Variants in KIAA0753 observed in about 807,000 individuals in gnomAD.
The protein encoded by KIAA0753 is KIAA0753, also known as protein moonraker.
In KIAA0753, 114 loss-of-function variants were observed where a neutral mutation model predicts 116.9. The observed-to-expected ratio is 0.98, with a 90% CI of 0.84 to 1.14. The LOEUF (loss-of-function observed/expected upper bound fraction) is 1.14, where lower values mean the gene tolerates loss of function less well. Among genes scored for constraint, KIAA0753 ranks in the 50% most tolerant of loss-of-function variants. The pLI, the probability that KIAA0753 is intolerant of heterozygous loss-of-function variation, is 0.00. For missense variants in KIAA0753, 1,156 were observed against 1,172.4 expected (o/e 0.99, Z 0.20); for synonymous variants, 405 against 413.1 (o/e 0.98, Z 0.24).
intron 1 of KIAA0753, 73 bp from the exon 2 acceptor site, chr17:6,635,244 T>C (rs1972251290): frequency 4.9e-6 from 3 of 614,086 alleles, no homozygotes; most frequent in Non-Finnish European, 8.9e-6. Context: ...CACAGTGCCA[T>C]GTGCATGTAG....
At chr17:6,596,365 G>A (rs1415569396) in intron 14 of KIAA0753, 22 bp from the exon 15 acceptor site, 4 of 1,592,054 alleles carry the variant, frequency 2.5e-6, no homozygotes, top group South Asian at 1.1e-5. Flanking sequence ...GGTGGGGTGG[G>A]GAGGAGAGGC....
Position 6,579,663 on chromosome 17 carries a change from G to C in KIAA0753, c.*84C>G. 2 of 926,668 alleles carry C rather than the reference G, an allele frequency of 2.2e-6. No individual in the cohort carries two copies. Among genetic ancestry groups the C allele is most frequent in the Non-Finnish European group, 3.5e-6 (2 of 569,838 alleles). The allele number at this position is 926,668 out of a possible 1,614,324, so 57.4% of individuals were successfully genotyped here. ...TTCTGGGCCTGGATGGACAGCTGAG[G>C]ATGAAAATTTCCTGTGGGCCAAAAC... On this transcript the variant is annotated 3_prime_UTR_variant, in exon 19 of 19. Coordinates refer to ENST00000361413, the MANE Select transcript of KIAA0753 (RefSeq NM_014804.3).
intron 12 of KIAA0753, among the ~76,000 whole-genome samples, chr17:6,602,139 C>G (rs746141661): frequency 6.6e-6 from 1 of 152,120 alleles, no homozygotes; most frequent in Non-Finnish European, 1.5e-5. Context: ...GATGTGAAAC[C>G]AATAGAAACG....
intron 18 of KIAA0753, 75 bp downstream of exon 18, chr17:6,589,704 G>T: frequency 8.7e-7 from 1 of 1,145,832 alleles, no homozygotes; most frequent in Non-Finnish European, 1.3e-6. Context: ...CTTGGCTAAT[G>T]CTTTCTCCAG....
intron 15 of KIAA0753, 135 bp from the exon 16 acceptor site, chr17:6,595,188 C>A: frequency 1.6e-6 from 1 of 640,170 alleles, no homozygotes; most frequent in Non-Finnish European, 2.8e-6. Context: ...CCTGTCAGGC[C>A]AGGAAGTAAT....
Position 6,635,098 on chromosome 17 carries a change from T to A in KIAA0753, c.6A>T (p.Gly2=). 4 of 1,612,156 alleles carry A rather than the reference T, an allele frequency of 2.5e-6. No homozygotes were observed. The highest frequency in any genetic ancestry group is 3.4e-6 in the Non-Finnish European group (4 of 1,178,244). Residue 2 remains glycine, a synonymous_variant, in exon 2 of 19, where the codon GGA becomes GGT. Transcript: ENST00000361413. The part of the protein sequence containing the change: M[G]PGQPASTCVH... ...CACAGGTTGAAGCTGGCTGGCCTGG[T>A]CCCATAATGTCAGGTAGTACAGAAC...
At chr17:6,633,277 T>C (rs1351124834) in intron 2 of KIAA0753, among the ~76,000 whole-genome samples, 1 of 152,202 alleles carries the variant, frequency 6.6e-6, no homozygotes, top group African/African-American at 2.4e-5. Flanking sequence ...GGACTATTCT[T>C]GCAACTTTTC....
intron 2 of KIAA0753, among the ~76,000 whole-genome samples, chr17:6,631,957 A>C (rs1972043563): frequency 2.6e-5 from 4 of 152,130 alleles, no homozygotes; most frequent in Admixed American, 2.6e-4. Context: ...ATCTTGGCTC[A>C]CTGCAACCTC....
Position 6,612,141 on chromosome 17 carries a change from A to T in KIAA0753, c.1323T>A (p.Tyr441Ter), listed in dbSNP as rs780010794. 2.5e-6 allele frequency: 4 copies of T among 1,600,962 alleles called. No individual in the cohort carries two copies. The highest frequency in any genetic ancestry group is 3.4e-6 in the Non-Finnish European group (4 of 1,175,532). ...TCTCCGGAAGCTCCGTATCGGGCTG[A>T]TACTTATCTACATGGAAATTTTTGA... ...SVAKQLLADK[Y>*]QPDTELPETQ... is the part of the protein sequence containing the mutation. The change falls in exon 8 of 19, where the codon TAT (tyrosine) becomes TAA (stop). Residue 441 changes from tyrosine (Y) to a stop codon, truncating the protein, a stop_gained. Coordinates refer to ENST00000361413, the MANE Select transcript of KIAA0753 (RefSeq NM_014804.3). LOFTEE classifies it high-confidence loss of function.
intron 2 of KIAA0753, among the ~76,000 whole-genome samples, chr17:6,630,634 G>C (rs572960509): frequency 6.6e-6 from 1 of 152,266 alleles, no homozygotes; most frequent in East Asian, 1.9e-4. Flanking sequence ...GTTACTCACT[G>C]CTATATTGTT....
At chr17:6,634,725 T>C (rs1972205761) in intron 2 of KIAA0753, 1 of 246,428 alleles carries the variant, frequency 4.1e-6, no homozygotes, top group East Asian at 7.7e-5. Flanking sequence ...TTTGGGTCCA[T>C]TTCTTATAAG....
At chr17:6,600,231 A>G (rs2150789619) in intron 13 of KIAA0753, 149 bp downstream of exon 13, 1 of 634,918 alleles carries the variant, frequency 1.6e-6, no homozygotes, top group South Asian at 1.9e-5. Flanking sequence ...AATGGAGGGC[A>G]TATCAGTAGT....
At chr17:6,628,960 C>T (rs150153015) in intron 2 of KIAA0753, among the ~76,000 whole-genome samples, 4 of 152,292 alleles carry the variant, frequency 2.6e-5, no homozygotes, top group Non-Finnish European at 5.9e-5. Flanking sequence ...TACTATTATC[C>T]TTCTGTTTAC....
chr17:6,594,814 G>A (rs1969347965), intron 16 of KIAA0753, among the ~76,000 whole-genome samples, 158 bp downstream of exon 16: 1 of 152,220 alleles, frequency 6.6e-6, no homozygotes, highest in Admixed American at 6.5e-5. Context: ...TGGATGGATA[G>A]AGGGATAAAT....
At chr17:6,635,375 A>G (rs776393208) in intron 1 of KIAA0753, 2 of 239,934 alleles carry the variant, frequency 8.3e-6, no homozygotes, top group South Asian at 1.8e-4. Flanking sequence ...AATTTCAAAA[A>G]CAAAAAAAAA....
chr17:6,591,404 T>C (rs1003293613), intron 16 of KIAA0753, among the ~76,000 whole-genome samples: 1 of 152,218 alleles, frequency 6.6e-6, no homozygotes, highest in African/African-American at 2.4e-5. Flanking sequence ...GTAAAACTAT[T>C]ACTGAGAGTG....
rs187059792 is a variant in KIAA0753, at chr17:6,590,322, C to T, written c.2561+188G>A. ...AAATGTTATTGAATACGGAAAAGCT[C>T]CTTAAAATGCAACACACTCAATGCC... On this transcript the variant is annotated intron_variant, in intron 17 of 18. Coordinates refer to ENST00000361413, the MANE Select transcript of KIAA0753 (RefSeq NM_014804.3). Among the ~76,000 whole-genome samples the T allele has an allele frequency of 9.8e-5, 15 of 152,304 alleles. No homozygotes were observed. In the East Asian group the frequency reaches 2.9e-3, roughly 29 times the overall value.
chr17:6,586,580 T>C (rs958875529), intron 18 of KIAA0753, among the ~76,000 whole-genome samples: 13 of 152,346 alleles, frequency 8.5e-5, no homozygotes, highest in African/African-American at 3.1e-4. Context: ...TAGTGACATA[T>C]AGTGGGATAG....
rs1451752484 is a variant in KIAA0753 at position 6,589,817 on chromosome 17, C to T, written c.2748G>A (p.Glu916=). The T allele has an allele frequency of 6.2e-7, 1 of 1,613,758 alleles. No individual in the cohort carries two copies. Among genetic ancestry groups the T allele is most frequent in the African/African-American group, 1.3e-5 (1 of 75,008 alleles). ...FEQYLRIISH[E]AVGSFNPWLI... ...GCCACGGGTTGAAGGAGCCTACAGC[C>T]TCATGAGATATGATCCGAAGGTACT... Residue 916 remains glutamate, a synonymous_variant, in exon 18 of 19, where the codon GAG becomes GAA. Transcript: ENST00000361413.
Sources: gnomAD v4.1 joint callset for allele counts (sites outside exome capture counted in the v4.1 genomes callset) on GRCh38, gnomAD v4.1.1 for gene constraint, MANE v1.5 for transcripts, NCBI Gene and HGNC (gene_info 2026-07-23, HGNC 2026-07-21) for gene names.